The following RIOX2 variants were observed in gnomAD, a reference collection of about 807,000 sequenced individuals.
RIOX2 encodes the protein 60S ribosomal protein L27a histidine hydroxylase.
RIOX2 carries 43 observed loss-of-function variants against 51.2 expected under a neutral mutation model. The observed-to-expected ratio is 0.84, with a 90% confidence interval of 0.66 to 1.08. RIOX2 has a LOEUF of 1.08. RIOX2 is among the 50% of genes least tolerant of loss of function. RIOX2 has a pLI of 0.00. For synonymous variants in RIOX2, 226 were observed against 218.5 expected (o/e 1.03, Z -0.30); for missense variants, 566 against 561.7 (o/e 1.01, Z -0.08).
chr3:97,961,017 C>T (rs1295356767), intron 3 of RIOX2, among the ~76,000 whole-genome samples: 2 of 152,140 alleles, frequency 1.3e-5, no homozygotes, highest in Admixed American at 1.3e-4. Flanking sequence ...TGTGTTTACA[C>T]CTTATATTAG....
At chr3:97,965,775 C>A (rs997607599) in intron 2 of RIOX2, among the ~76,000 whole-genome samples, 1 of 152,208 alleles carries the variant, frequency 6.6e-6, no homozygotes, top group African/African-American at 2.4e-5. Context: ...CATCTCTCTG[C>A]TGGTCTATGA....
intron 7 of RIOX2, among the ~76,000 whole-genome samples, chr3:97,948,653 A>G (rs1359576376): frequency 6.6e-6 from 1 of 152,158 alleles, no homozygotes; most frequent in East Asian, 1.9e-4. Context: ...ACCAGATAAC[A>G]TTTAGGAGAC....
chr3:97,949,561 C>T (rs968408329), intron 7 of RIOX2, among the ~76,000 whole-genome samples: 3 of 152,074 alleles, frequency 2.0e-5, no homozygotes, highest in Non-Finnish European at 4.4e-5. Flanking sequence ...ACTATGAATA[C>T]CAGAGTACCT....
At chr3:97,948,928 T>C (rs1476987599) in intron 7 of RIOX2, among the ~76,000 whole-genome samples, 1 of 152,162 alleles carries the variant, frequency 6.6e-6, no homozygotes, top group Non-Finnish European at 1.5e-5. Context: ...CTGGAAGTCA[T>C]CAATGACATC....
rs372588875 is a variant in RIOX2 at position 97,950,841 on chromosome 3, T to C, written c.833A>G (p.Asp278Gly). The C allele has an allele frequency of 1.9e-6, 3 of 1,613,396 alleles. No individual in the cohort carries two copies. In the African/African-American group the frequency reaches 4.0e-5, roughly 22 times the overall value. The change falls in exon 6 of 10, where the codon GAT (aspartate) becomes GGT (glycine). Residue 278 changes from aspartate to glycine, a missense_variant. Coordinates refer to ENST00000394198, the MANE Select transcript of RIOX2 (RefSeq NM_153182.4). ...LLDTISGLVF[D>G]TAKEDVELRT... ...TAACTCCACGTCTTCCTTTGCAGTATCAAATACAAGCCCCGAGATGGTATC... is the reference window on the plus strand; with the variant it reads ...TAACTCCACGTCTTCCTTTGCAGTACCAAATACAAGCCCCGAGATGGTATC...
Position 97,954,442 on chromosome 3 carries a change from A to C in RIOX2, c.735T>G (p.Pro245=). Residue 245 remains proline (P), a synonymous_variant, in exon 5 of 10, where the codon CCT becomes CCG. Coordinates refer to ENST00000394198, the MANE Select transcript of RIOX2 (RefSeq NM_153182.4). Reference sequence around the variant, plus strand: ...CGTGAGTAGAGTGGGCCAGCCCCGCAGGAGTGTCCGCTTGATGAATGGTTC... The same window carrying C: ...CGTGAGTAGAGTGGGCCAGCCCCGCCGGAGTGTCCGCTTGATGAATGGTTC... The part of the protein sequence containing the change: ...PRGTIHQADT[P]AGLAHSTHVT... 6.2e-7 allele frequency: 1 copy of C among 1,614,142 alleles called. No homozygotes were observed. The highest frequency in any genetic ancestry group is 8.5e-7 in the Non-Finnish European group (1 of 1,179,982).
intron 2 of RIOX2, among the ~76,000 whole-genome samples, chr3:97,964,696 T>TAAAAAAAAAAAAAAAAAAAAAA (rs1159985029): frequency 1.7e-5 from 1 of 60,210 alleles, no homozygotes; most frequent in African/African-American, 6.9e-5. Context: ...GACTCTGTCT[T>TAAAAAAAAAAAAAAAAAAAAAA]AAAAAAAAAA....
intron 2 of RIOX2, among the ~76,000 whole-genome samples, chr3:97,963,929 C>T (rs1371084859): frequency 1.3e-5 from 2 of 152,216 alleles, no homozygotes; most frequent in Non-Finnish European, 2.9e-5. Flanking sequence ...GATATTATCA[C>T]TCCCACTCAA....
chr3:97,945,341 A>G lies in RIOX2; in HGVS notation c.1241T>C (p.Phe414Ser). ...TGACAAAGGGAAGCGAAGTCCATGA[A>G]ACTGAAAGGATAAATTTATTTGTCA... ...HMMGNEEETE[F>S]HGLRFPLSHL... The change falls in exon 10 of 10, where the codon TTT (phenylalanine) becomes TCT (serine). Residue 414 changes from phenylalanine to serine, a missense_variant and splice_region_variant. Coordinates refer to ENST00000394198, the MANE Select transcript of RIOX2 (RefSeq NM_153182.4). The G allele has an allele frequency of 6.2e-7, 1 of 1,607,944 alleles. No homozygotes were observed. The highest frequency in any genetic ancestry group is 8.5e-7 in the Non-Finnish European group (1 of 1,177,486).
chr3:97,949,802 G>A (rs1299011811), intron 7 of RIOX2, 42 bp downstream of exon 7: 1 of 1,583,438 alleles, frequency 6.3e-7, no homozygotes, highest in Non-Finnish European at 8.6e-7. Flanking sequence ...TAAACATCCT[G>A]CATTAGCCTC....
intron 1 of RIOX2, among the ~76,000 whole-genome samples, chr3:97,968,092 C>T (rs909867816): frequency 2.5e-4 from 38 of 152,242 alleles, no homozygotes; most frequent in African/African-American, 9.1e-4. Context: ...AAACTAACAG[C>T]CGCCCACTGC....
chr3:97,947,441 A>G lies in RIOX2; in HGVS notation c.1069T>C (p.Leu357=). The G allele has an allele frequency of 6.2e-7, 1 of 1,613,264 alleles. No homozygotes were observed. Among genetic ancestry groups the G allele is most frequent in the East Asian group, 2.2e-5 (1 of 44,860 alleles). Residue 357 remains leucine (L), a synonymous_variant, in exon 8 of 10, where the codon TTA becomes CTA. Transcript: ENST00000394198. Reference sequence around the variant, plus strand: ...CTCACTACACTGTCCAGCCTCGGTAACTTTCCACCTAGAAAACCCCAAAGA... The same window carrying G: ...CTCACTACACTGTCCAGCCTCGGTAGCTTTCCACCTAGAAAACCCCAAAGA... ...GAELSTPGGK[L]PRLDSVVRLQ...
At position 97,947,365 on chromosome 3, in the gene RIOX2, T is replaced by A; in HGVS notation, c.1145A>T (p.Gln382Leu). 6.2e-7 allele frequency: 1 copy of A among 1,611,642 alleles called. No individual in the cohort carries two copies. Among genetic ancestry groups the A allele is most frequent in the Non-Finnish European group, 8.5e-7 (1 of 1,177,928 alleles). ...IVLTVLPDQD[Q>L]SDEAQEKMVY... The stretch of plus-strand genomic sequence containing the variant: ...CTCCTCCTCTTGGATACTCACAGAT[T>A]GATCTTGATCCGGCAGTACTGTGAG... The change falls in exon 8 of 10, where the codon CAA (glutamine) becomes CTA (leucine). Residue 382 changes from glutamine to leucine, a missense_variant. Transcript: ENST00000394198.
intron 1 of RIOX2, among the ~76,000 whole-genome samples, chr3:97,969,148 G>A (rs1275033373): frequency 6.6e-6 from 1 of 152,100 alleles, no homozygotes; most frequent in East Asian, 1.9e-4. Context: ...AGGTGCTTTT[G>A]ATAAGGAAAC....
At position 97,942,515 on chromosome 3, in the gene RIOX2, T is replaced by TA; in HGVS notation, c.*2668dup. 7.4e-7 allele frequency: 1 copy of TA among 1,349,620 alleles called. No homozygotes were observed. Among genetic ancestry groups the TA allele is most frequent in the Non-Finnish European group, 1.0e-6 (1 of 986,988 alleles). The allele number at this position is 1,349,620 out of a possible 1,614,324, so 83.6% of individuals were successfully genotyped here. Reference sequence around the variant, plus strand: ...CAGTTCCAAATCTCCTCATTTTGGGTAAAGGACATCCTTATGTATAAGAGA... The same window carrying TA: ...CAGTTCCAAATCTCCTCATTTTGGGTAAAAGGACATCCTTATGTATAAGAGA... On this transcript the variant is annotated 3_prime_UTR_variant, in exon 10 of 10. Coordinates refer to ENST00000394198, the MANE Select transcript of RIOX2 (RefSeq NM_153182.4).
intron 9 of RIOX2, 197 bp from the exon 10 acceptor site, chr3:97,945,539 T>C (rs2040334702): frequency 1.6e-6 from 1 of 610,014 alleles, no homozygotes; most frequent in South Asian, 2.2e-5. Context: ...GTAAGTGATA[T>C]TAGTAATTTG....
intron 7 of RIOX2, among the ~76,000 whole-genome samples, chr3:97,948,360 G>A (rs1284818569): frequency 6.6e-6 from 1 of 152,202 alleles, no homozygotes; most frequent in East Asian, 1.9e-4. Context: ...TCAACCCTGA[G>A]AAAGAACAGC....
intron 7 of RIOX2, among the ~76,000 whole-genome samples, chr3:97,948,948 A>G (rs982117410): frequency 6.6e-6 from 1 of 152,068 alleles, no homozygotes; most frequent in African/African-American, 2.4e-5. Context: ...CATCCATCCA[A>G]AAGTATGTTA....
chr3:97,961,744 G>A (rs1705683794), intron 2 of RIOX2, 36 bp from the exon 3 acceptor site: 2 of 1,552,956 alleles, frequency 1.3e-6, no homozygotes, highest in East Asian at 2.3e-5. Context: ...GGTCGGCGTG[G>A]GGGAGTGAAA....
Sources: gnomAD v4.1 joint callset for allele counts (sites outside exome capture counted in the v4.1 genomes callset) on GRCh38, gnomAD v4.1.1 for gene constraint, MANE v1.5 for transcripts, NCBI Gene and HGNC (gene_info 2026-07-23, HGNC 2026-07-21) for gene names.